The following HS2ST1 variants were observed in gnomAD, a reference collection of about 807,000 sequenced individuals.
The protein encoded by HS2ST1 is 2-O-sulfotransferase.
Under a neutral mutation model 42.9 loss-of-function variants are expected in HS2ST1, and 18 were observed. That is an observed-to-expected ratio of 0.42 (90% CI 0.29 to 0.62). The LOEUF (loss-of-function observed/expected upper bound fraction) is 0.62, where lower values mean the gene tolerates loss of function less well. Among genes scored for constraint, HS2ST1 ranks in the 20% least tolerant of loss-of-function variants. HS2ST1 has a pLI of 0.21. For synonymous variants in HS2ST1, 146 were observed against 152.9 expected, an observed-to-expected ratio of 0.95 and a Z score of 0.33; for missense variants, 334 against 433.8, an observed-to-expected ratio of 0.77 and a Z score of 2.04.
chr1:86,972,022 A>T (rs1323242445), intron 1 of HS2ST1, among the ~76,000 whole-genome samples: 1 of 152,232 alleles, frequency 6.6e-6, no homozygotes, highest in African/African-American at 2.4e-5. Flanking sequence ...CATAGAGAAG[A>T]TGTTCAGTAA....
intron 1 of HS2ST1, among the ~76,000 whole-genome samples, chr1:86,931,642 A>G (rs1489124208): frequency 6.6e-6 from 1 of 152,086 alleles, no homozygotes; most frequent in Admixed American, 6.6e-5. Context: ...GCCGTACATG[A>G]TTTATGATAA....
chr1:86,963,858 A>C (rs1647943317), intron 1 of HS2ST1, among the ~76,000 whole-genome samples: 1 of 134,972 alleles, frequency 7.4e-6, no homozygotes, highest in Non-Finnish European at 1.6e-5. Flanking sequence ...TCCCGCCCGG[A>C]CGGGGTGGCT....
intron 1 of HS2ST1, among the ~76,000 whole-genome samples, chr1:86,916,682 C>T (rs751278625): frequency 3.9e-5 from 6 of 152,100 alleles, no homozygotes; most frequent in Non-Finnish European, 7.4e-5. Context: ...GTTATCCAGT[C>T]TGGTTTTTCT....
At chr1:87,041,235 A>T (rs1263795382) in intron 1 of HS2ST1, among the ~76,000 whole-genome samples, 1 of 94,504 alleles carries the variant, frequency 1.1e-5, no homozygotes. Context: ...TAAAAAAAAA[A>T]AAAAACAAAA....
intron 3 of HS2ST1, 41 bp from the exon 4 acceptor site, chr1:87,092,490 G>C: frequency 6.8e-7 from 1 of 1,475,550 alleles, no homozygotes; most frequent in Non-Finnish European, 9.0e-7. Flanking sequence ...TAAACAGATT[G>C]AAAATGTTGA....
intron 1 of HS2ST1, among the ~76,000 whole-genome samples, chr1:87,002,849 T>C (rs1649331223): frequency 6.6e-6 from 1 of 152,152 alleles, no homozygotes; most frequent in Non-Finnish European, 1.5e-5. Flanking sequence ...TGGGAATCAT[T>C]GATTAGTCTA....
intron 1 of HS2ST1, chr1:87,064,630 A>G: frequency 2.2e-6 from 1 of 453,678 alleles, no homozygotes; most frequent in South Asian, 1.7e-5. Context: ...TTAGTCCCCC[A>G]TGGTGATTGT....
At chr1:87,038,070 A>G (rs969043073) in intron 1 of HS2ST1, among the ~76,000 whole-genome samples, 3 of 152,112 alleles carry the variant, frequency 2.0e-5, no homozygotes, top group Admixed American at 2.0e-4. Flanking sequence ...TTAGTCATAA[A>G]TGACTGTAGA....
chr1:87,103,236 A>G (rs925807890), intron 5 of HS2ST1, among the ~76,000 whole-genome samples, 196 bp from the exon 6 acceptor site: 4 of 152,232 alleles, frequency 2.6e-5, no homozygotes, highest in Non-Finnish European at 5.9e-5. Flanking sequence ...TAGCACTCAT[A>G]GTTGAGCAGA....
chr1:86,991,647 A>C (rs1648955287), intron 1 of HS2ST1, among the ~76,000 whole-genome samples: 1 of 152,236 alleles, frequency 6.6e-6, no homozygotes, highest in Admixed American at 6.5e-5. Flanking sequence ...TGAGTTAAAC[A>C]TACTAAGCTT....
chr1:86,991,024 A>G (rs571422162), intron 1 of HS2ST1, among the ~76,000 whole-genome samples: 269 of 150,474 alleles, frequency 1.8e-3, no homozygotes, highest in Non-Finnish European at 3.2e-3. Flanking sequence ...CAGATAAAAA[A>G]TTTACTCAAA....
chr1:86,931,708 T>C (rs1660548175), intron 1 of HS2ST1, among the ~76,000 whole-genome samples: 1 of 152,144 alleles, frequency 6.6e-6, no homozygotes. Flanking sequence ...TAGTTTTCAA[T>C]GCAGAATCCA....
At chr1:86,996,744 A>G (rs1649113964) in intron 1 of HS2ST1, among the ~76,000 whole-genome samples, 1 of 152,244 alleles carries the variant, frequency 6.6e-6, no homozygotes. Context: ...GATATTAAAA[A>G]TATTAGACAC....
intron 1 of HS2ST1, among the ~76,000 whole-genome samples, chr1:86,963,813 C>A (rs1340783011): frequency 7.0e-6 from 1 of 143,118 alleles, no homozygotes; most frequent in African/African-American, 2.6e-5. Flanking sequence ...CCCCCCTGGA[C>A]GGGGCGGCTG....
At position 87,084,178 on chromosome 1, in the gene HS2ST1, T is replaced by C. The variant is rs770599214; in HGVS notation, c.364-16T>C. The C allele has an allele frequency of 7.4e-6, 11 of 1,482,082 alleles. No individual in the cohort carries two copies. The South Asian group carries it at 1.1e-4, about 15-fold the overall frequency. The allele number at this position is 1,482,082 out of a possible 1,614,324, so 91.8% of individuals were successfully genotyped here. A position where few individuals can be genotyped will look rare whatever the true frequency, so the allele number is the denominator to read the frequency against. ...TTCTTTAAATTGTATATAATGAATG[T>C]GTTCTCCCTTTTTAGGTGCGCTTTG... On this transcript the variant is annotated splice_polypyrimidine_tract_variant and intron_variant, in intron 2 of 6. Transcript: ENST00000370550.
chr1:87,095,956 A>C (rs992312615), intron 4 of HS2ST1, among the ~76,000 whole-genome samples: 15 of 146,784 alleles, frequency 1.0e-4, no homozygotes, highest in Non-Finnish European at 4.5e-5. Flanking sequence ...TACTATAGAC[A>C]GCCGGTTTTC....
chr1:86,970,796 A>G lies in HS2ST1; in HGVS notation c.124+55636A>G, dbSNP rs553049953. Among the ~76,000 whole-genome samples the G allele has an allele frequency of 1.7e-4, 26 of 152,348 alleles. No individual in the cohort carries two copies. In the South Asian group the frequency reaches 5.4e-3, roughly 32 times the overall value. On this transcript the variant is annotated intron_variant, in intron 1 of 6. Transcript: ENST00000370550. ...CTTTGTTTATTATTTATGAGAAAAA[A>G]TTATAGAAATAATTTAAGGGTGGTA...
chr1:86,928,121 A>G (rs1399895022), intron 1 of HS2ST1, among the ~76,000 whole-genome samples: 1 of 152,118 alleles, frequency 6.6e-6, no homozygotes, highest in African/African-American at 2.4e-5. Context: ...GAATTTTTAT[A>G]GTGTATTCAG....
intron 1 of HS2ST1, among the ~76,000 whole-genome samples, chr1:86,970,922 G>A (rs1648215392): frequency 6.6e-6 from 1 of 152,064 alleles, no homozygotes; most frequent in South Asian, 2.1e-4. Context: ...ATATATAATA[G>A]ATGCCAGTTA....
Sources: allele counts gnomAD v4.1 joint callset (sites outside exome capture counted in the v4.1 genomes callset), GRCh38; gene constraint gnomAD v4.1.1; transcripts MANE v1.5; gene names NCBI Gene and HGNC (gene_info 2026-07-23, HGNC 2026-07-21).